The following GABPB1 variants were observed in gnomAD, a reference collection of about 807,000 sequenced individuals.
The protein encoded by GABPB1 is GA binding protein transcription factor subunit beta 1.
A neutral mutation model predicts 45.9 loss-of-function variants in GABPB1; 15 were observed. The ratio of observed to expected loss-of-function variants is 0.33; its 90% confidence interval spans 0.22 to 0.50. The LOEUF is 0.50. Ranked by LOEUF, GABPB1 falls within the 20% of genes least tolerant of loss-of-function variation. GABPB1 has a pLI of 0.98. For missense variants in GABPB1, 252 were observed against 457.5 expected, an observed-to-expected ratio of 0.55 and a Z score of 4.10; for synonymous variants, 143 against 154.4, an observed-to-expected ratio of 0.93 and a Z score of 0.55.
At chr15:50,352,272 A>C (rs896733837) in intron 1 of GABPB1, 5 of 152,104 alleles carry the variant, frequency 3.3e-5, no homozygotes, top group African/African-American at 1.2e-4. Context: ...TTCATGGTAC[A>C]GGAGATGTGG....
At position 50,346,790 on chromosome 15, in the gene GABPB1, C is replaced by CTTTT. The variant is rs796246086; in HGVS notation, c.-1+8191_-1+8194dup. Among the ~76,000 whole-genome samples the CTTTT allele has an allele frequency of 4.6e-4, 61 of 133,388 alleles. 1 individual carries two copies. Among genetic ancestry groups the CTTTT allele is most frequent in the African/African-American group, 1.5e-3 (52 of 34,816 alleles). The allele number at this position is 133,388 out of a possible 152,430, so 87.5% of individuals were successfully genotyped here. On this transcript the variant is annotated intron_variant, in intron 1 of 8. Coordinates refer to ENST00000380877, the MANE Select transcript of GABPB1 (RefSeq NM_016654.5). ...AAAGAGCTAACAAGCTGTCTGGAGT[C>CTTTT]TTTTTTTTTTTTTTTGAGACAGAGT...
At chr15:50,295,634 C>T (rs571041879) in intron 6 of GABPB1, among the ~76,000 whole-genome samples, 181 of 148,496 alleles carry the variant, frequency 1.2e-3, no homozygotes, top group African/African-American at 4.4e-3. Flanking sequence ...AAAAAAAAAG[C>T]TTTCACTTTT....
intron 1 of GABPB1, among the ~76,000 whole-genome samples, chr15:50,322,907 T>C (rs766334337): frequency 1.1e-4 from 17 of 152,068 alleles, no homozygotes; most frequent in Non-Finnish European, 1.3e-4. Context: ...CACATGCCTG[T>C]AGTCCCAACT....
intron 1 of GABPB1, among the ~76,000 whole-genome samples, chr15:50,343,188 C>T (rs950159743): frequency 5.9e-5 from 9 of 152,116 alleles, no homozygotes; most frequent in Non-Finnish European, 1.0e-4. Context: ...CGTGAGCCAC[C>T]GTGCCCCGCA....
chr15:50,282,297 G>A, intron 8 of GABPB1: 1 of 455,472 alleles, frequency 2.2e-6, no homozygotes, highest in South Asian at 1.5e-5. Context: ...GGTGACTTAT[G>A]CCAGTAATCT....
chr15:50,292,682 G>C (rs1180600425), intron 6 of GABPB1, among the ~76,000 whole-genome samples: 1 of 152,164 alleles, frequency 6.6e-6, no homozygotes, highest in Non-Finnish European at 1.5e-5. Context: ...CCATATGTCA[G>C]ATAATTTTTT....
chr15:50,281,401 C>T (rs7179935), intron 8 of GABPB1, among the ~76,000 whole-genome samples: 1,865 of 152,018 alleles, frequency 0.012, 34 homozygotes, highest in African/African-American at 0.04. Context: ...TTAGTAGAGA[C>T]GGGGTTTCAC....
chr15:50,286,192 A>G lies in GABPB1; in HGVS notation c.884-9T>C. On this transcript the variant is annotated splice_polypyrimidine_tract_variant and intron_variant, in intron 7 of 8. Coordinates refer to ENST00000380877, the MANE Select transcript of GABPB1 (RefSeq NM_016654.5). ...TGCTGGTACTGTTAATACTAAAATG[A>G]AAAAAAAATTATGTATTACTTCATT... 6.9e-7 allele frequency: 1 copy of G among 1,447,972 alleles called. No individual in the cohort carries two copies. The highest frequency in any genetic ancestry group is 9.3e-7 in the Non-Finnish European group (1 of 1,075,720). The allele number at this position is 1,447,972 out of a possible 1,614,324, so 89.7% of individuals were successfully genotyped here.
intron 7 of GABPB1, among the ~76,000 whole-genome samples, chr15:50,288,561 C>T (rs1317229785): frequency 6.6e-6 from 1 of 152,136 alleles, no homozygotes; most frequent in Non-Finnish European, 1.5e-5. Flanking sequence ...GAGCTTAACC[C>T]CTTTTCTTTC....
chr15:50,285,946 A>G, intron 8 of GABPB1, 122 bp downstream of exon 8: 2 of 1,444,866 alleles, frequency 1.4e-6, no homozygotes, highest in Non-Finnish European at 1.8e-6. Context: ...AACAAAATGA[A>G]AATACTACGC....
At chr15:50,352,868 A>G (rs985974142) in intron 1 of GABPB1, 1 of 152,232 alleles carries the variant, frequency 6.6e-6, no homozygotes, top group Non-Finnish European at 1.5e-5. Flanking sequence ...TTTATGCATT[A>G]ATCAATTAAG....
At chr15:50,335,906 A>AG (rs1433936302) in intron 1 of GABPB1, among the ~76,000 whole-genome samples, 1 of 142,546 alleles carries the variant, frequency 7.0e-6, no homozygotes, top group East Asian at 2.0e-4. Flanking sequence ...AAAAAAAAAA[A>AG]AAAAAAAAAA....
At chr15:50,317,417 G>GAA (rs1256813376) in intron 1 of GABPB1, among the ~76,000 whole-genome samples, 1 of 83,850 alleles carries the variant, frequency 1.2e-5, no homozygotes, top group Non-Finnish European at 2.8e-5. Context: ...AAAAAAAAAA[G>GAA]AAAGAAAAAA....
chr15:50,352,082 C>G (rs1008932012), intron 1 of GABPB1: 11 of 152,122 alleles, frequency 7.2e-5, no homozygotes, highest in African/African-American at 2.7e-4. Context: ...GTGAGTTCAT[C>G]TGAACTCAGG....
intron 1 of GABPB1, among the ~76,000 whole-genome samples, chr15:50,316,588 T>C (rs1391661220): frequency 7.1e-6 from 1 of 140,698 alleles, no homozygotes; most frequent in Non-Finnish European, 1.6e-5. Flanking sequence ...TCCAATTTTG[T>C]ATTACACACA....
chr15:50,300,633 CAG>C (rs1295660016), intron 6 of GABPB1, among the ~76,000 whole-genome samples, 154 bp downstream of exon 6: 1 of 151,712 alleles, frequency 6.6e-6, no homozygotes, highest in Non-Finnish European at 1.5e-5. Context: ...TTAGTAGAAA[CAG>C]AGTTTCACTA....
At chr15:50,341,712 T>C (rs1027331878) in intron 1 of GABPB1, among the ~76,000 whole-genome samples, 2 of 152,162 alleles carry the variant, frequency 1.3e-5, no homozygotes, top group African/African-American at 4.8e-5. Flanking sequence ...TAAGATTTTA[T>C]TTTGTACAAC....
At chr15:50,287,915 T>C (rs565798459) in intron 7 of GABPB1, among the ~76,000 whole-genome samples, 2 of 152,320 alleles carry the variant, frequency 1.3e-5, no homozygotes, top group East Asian at 1.9e-4. Flanking sequence ...AACTCCTTTC[T>C]TGAAATCTGG....
At chr15:50,293,307 A>G (rs769275885) in intron 6 of GABPB1, among the ~76,000 whole-genome samples, 1 of 152,156 alleles carries the variant, frequency 6.6e-6, no homozygotes, top group South Asian at 2.1e-4. Flanking sequence ...AAATACTAGG[A>G]AACTAGTTTT....
Sources: gnomAD v4.1 joint callset for allele counts (sites outside exome capture counted in the v4.1 genomes callset) on GRCh38, gnomAD v4.1.1 for gene constraint, MANE v1.5 for transcripts, NCBI Gene and HGNC (gene_info 2026-07-23, HGNC 2026-07-21) for gene names.